The following SEMA6D variants were observed in gnomAD, a reference collection of about 807,000 sequenced individuals.
The protein encoded by SEMA6D is semaphorin 6D, also known as semaphorin-6D.
SEMA6D carries 35 observed loss-of-function variants against 106.6 expected under a neutral mutation model. That is an observed-to-expected ratio of 0.33 (90% confidence interval 0.25 to 0.44). SEMA6D has a LOEUF of 0.44. SEMA6D is among the 20% of genes least tolerant of loss of function. The pLI is 1.00. For synonymous variants in SEMA6D, 499 were observed against 487.7 expected (o/e 1.02, Z -0.31); for missense variants, 1,185 against 1,345.9 (o/e 0.88, Z 1.87).
chr15:47,675,415 C>T (rs2078223279), intron 4 of SEMA6D, among the ~76,000 whole-genome samples: 1 of 152,136 alleles, frequency 6.6e-6, no homozygotes, highest in South Asian at 2.1e-4. Context: ...ACCAGAAGGG[C>T]ACACACCGAG....
At chr15:47,536,466 C>A (rs2045168180) in intron 3 of SEMA6D, among the ~76,000 whole-genome samples, 1 of 152,182 alleles carries the variant, frequency 6.6e-6, no homozygotes. Flanking sequence ...TTAGCTAATG[C>A]AAGTTCAGTC....
intron 1 of SEMA6D, among the ~76,000 whole-genome samples, chr15:47,277,781 G>A (rs1402432450): frequency 8.6e-5 from 13 of 150,340 alleles, no homozygotes; most frequent in African/African-American, 2.7e-4. Flanking sequence ...CCCCACAACA[G>A]TCCCCAGAGT....
At chr15:47,371,071 G>A (rs2039255869) in intron 1 of SEMA6D, among the ~76,000 whole-genome samples, 1 of 152,182 alleles carries the variant, frequency 6.6e-6, no homozygotes, top group African/African-American at 2.4e-5. Context: ...AACAAGGAAT[G>A]CCAAACATCA....
Position 47,764,571 on chromosome 15 carries a change from C to T in SEMA6D, c.1098-67C>T, listed in dbSNP as rs112876887. 42 of 1,584,138 alleles carry T rather than the reference C, an allele frequency of 2.7e-5. No homozygotes were observed. The African/African-American group carries it at 4.6e-4, about 17-fold the overall frequency. ...TCTTCTCTGAGAATATACACTTATT[C>T]CTTAGATACAGTACATGGTGTGGCA... On this transcript the variant is annotated intron_variant, in intron 11 of 18. Coordinates refer to ENST00000536845, the MANE Select transcript of SEMA6D (RefSeq NM_001358351.3).
At chr15:47,651,233 G>T (rs1399725991) in intron 4 of SEMA6D, among the ~76,000 whole-genome samples, 2 of 151,990 alleles carry the variant, frequency 1.3e-5, no homozygotes. Context: ...AACAGAGCAA[G>T]ATCCCATGTT....
At chr15:47,721,035 G>A (rs2079393336) in intron 1 of SEMA6D, among the ~76,000 whole-genome samples, 2 of 152,150 alleles carry the variant, frequency 1.3e-5, no homozygotes, top group African/African-American at 4.8e-5. Flanking sequence ...GAAGCAGTTG[G>A]GGTATGCCAA....
intron 3 of SEMA6D, among the ~76,000 whole-genome samples, chr15:47,598,953 C>G (rs944350684): frequency 6.6e-6 from 1 of 152,096 alleles, no homozygotes; most frequent in Non-Finnish European, 1.5e-5. Context: ...TGGCACTTAG[C>G]ACAGCCTGAC....
intron 1 of SEMA6D, among the ~76,000 whole-genome samples, chr15:47,281,439 G>A (rs1485249642): frequency 1.3e-5 from 2 of 149,132 alleles, no homozygotes; most frequent in Non-Finnish European, 3.0e-5. Context: ...CGTGAGATGG[G>A]TTTCCTGAAT....
intron 3 of SEMA6D, among the ~76,000 whole-genome samples, chr15:47,551,026 A>G (rs980514998): frequency 1.3e-5 from 2 of 152,212 alleles, no homozygotes; most frequent in African/African-American, 4.8e-5. Flanking sequence ...GGTTAAAGCT[A>G]TGATTTTTAA....
chr15:47,416,653 C>A (rs1004402327), intron 2 of SEMA6D, among the ~76,000 whole-genome samples: 2 of 152,046 alleles, frequency 1.3e-5, no homozygotes, highest in Non-Finnish European at 2.9e-5. Context: ...TCTGTTTCTC[C>A]CCGAAGCCAG....
chr15:47,568,074 T>C (rs772996553), intron 3 of SEMA6D, among the ~76,000 whole-genome samples: 1 of 151,648 alleles, frequency 6.6e-6, no homozygotes, highest in Non-Finnish European at 1.5e-5. Context: ...ATTTCAGAGG[T>C]AATGTAGTTG....
intron 4 of SEMA6D, among the ~76,000 whole-genome samples, chr15:47,639,834 G>A (rs1028070820): frequency 2.0e-5 from 3 of 152,032 alleles, no homozygotes; most frequent in Non-Finnish European, 4.4e-5. Flanking sequence ...AAACTGTCAA[G>A]GTCACCAAAA....
At chr15:47,434,738 T>A (rs2041648936) in intron 2 of SEMA6D, among the ~76,000 whole-genome samples, 1 of 152,168 alleles carries the variant, frequency 6.6e-6, no homozygotes, top group African/African-American at 2.4e-5. Flanking sequence ...CCACATGGCA[T>A]AGCTCCTTCT....
chr15:47,582,282 C>G (rs970389804), intron 3 of SEMA6D, among the ~76,000 whole-genome samples: 1 of 152,132 alleles, frequency 6.6e-6, no homozygotes, highest in Non-Finnish European at 1.5e-5. Flanking sequence ...ACATGAGACA[C>G]GAGGCATGAG....
chr15:47,475,838 T>TC (rs1267686961), intron 3 of SEMA6D, among the ~76,000 whole-genome samples: 2 of 152,190 alleles, frequency 1.3e-5, no homozygotes, highest in African/African-American at 4.8e-5. Flanking sequence ...TGCTTCAATT[T>TC]CCCCCCTTTC....
chr15:47,723,474 C>G (rs1393538618), intron 1 of SEMA6D, among the ~76,000 whole-genome samples: 2 of 152,106 alleles, frequency 1.3e-5, no homozygotes, highest in African/African-American at 4.8e-5. Context: ...TGTCCCATTT[C>G]CCGGGGGGAA....
At chr15:47,443,073 G>T (rs963614160) in intron 2 of SEMA6D, among the ~76,000 whole-genome samples, 4 of 152,072 alleles carry the variant, frequency 2.6e-5, no homozygotes, top group Admixed American at 6.6e-5. Context: ...AGTGAGGGCA[G>T]GAAAATGCAT....
chr15:47,311,740 A>G (rs901815315), intron 1 of SEMA6D, among the ~76,000 whole-genome samples: 4 of 152,238 alleles, frequency 2.6e-5, no homozygotes, highest in Non-Finnish European at 4.4e-5. Context: ...GTTAACAACA[A>G]AAGTCAAGGA....
chr15:47,380,893 C>G (rs942997103), intron 1 of SEMA6D, among the ~76,000 whole-genome samples: 4 of 152,246 alleles, frequency 2.6e-5, no homozygotes, highest in African/African-American at 9.6e-5. Context: ...GAAAGCAACT[C>G]TAGAGCTTCC....
Sources: allele counts gnomAD v4.1 joint callset (sites outside exome capture counted in the v4.1 genomes callset), GRCh38; gene constraint gnomAD v4.1.1; transcripts MANE v1.5; gene names NCBI Gene and HGNC (gene_info 2026-07-23, HGNC 2026-07-21).